Variants in NPTXR observed in about 807,000 individuals in gnomAD.
NPTXR encodes neuronal pentraxin receptor.
Under a neutral mutation model 32.2 loss-of-function variants are expected in NPTXR, and 12 were observed. That is an observed-to-expected ratio of 0.37 (90% CI 0.24 to 0.60). The LOEUF is 0.60. Ranked by LOEUF, NPTXR falls within the 20% of genes least tolerant of loss-of-function variation. NPTXR has a pLI of 0.66. For synonymous variants in NPTXR, 323 were observed against 315.8 expected (o/e 1.02, Z -0.24); for missense variants, 612 against 682.9 (o/e 0.90, Z 1.16).
rs138398002 is a variant in NPTXR, at chr22:38,826,656, G to T, written c.942C>A (p.Pro314=). The T allele has an allele frequency of 2.5e-6, 4 of 1,614,248 alleles. No homozygotes were observed. The highest frequency in any genetic ancestry group is 3.4e-6 in the Non-Finnish European group (4 of 1,180,036). ...TGCAGGCGGTGAATGCGTAGAGCTCGGGCAGAGCCTTCCGCACGCGGGCGT... is the reference window on the plus strand; with the variant it reads ...TGCAGGCGGTGAATGCGTAGAGCTCTGGCAGAGCCTTCCGCACGCGGGCGT... Residue 314 remains proline, a synonymous_variant, in exon 3 of 5, where the codon CCC becomes CCA. Transcript: ENST00000333039.
In NPTXR at chr22:38,822,670, T is replaced by A. The variant is rs747852955; in HGVS notation, c.1442A>T (p.Glu481Val). 2 of 1,613,952 alleles carry A rather than the reference T, an allele frequency of 1.2e-6. No individual in the cohort carries two copies. Among genetic ancestry groups the A allele is most frequent in the Non-Finnish European group, 1.7e-6 (2 of 1,179,982 alleles). Residue 481 changes from glutamate to valine, a missense_variant, in exon 5 of 5, where the codon GAG (glutamate) becomes GTG (valine). Transcript: ENST00000333039. ...AGCCTTTGTTGCACCCCCAAAGGCC[T>A]CCACCAACTTGTCTTCCCAGGGAAG...
At chr22:38,839,737 A>G (rs1206839157) in intron 1 of NPTXR, among the ~76,000 whole-genome samples, 3 of 152,196 alleles carry the variant, frequency 2.0e-5, no homozygotes, top group Admixed American at 6.5e-5. Flanking sequence ...ACAGACTTAA[A>G]AACAAACAAA....
intron 1 of NPTXR, among the ~76,000 whole-genome samples, chr22:38,831,713 TC>T (rs1186479557): frequency 6.6e-6 from 1 of 151,874 alleles, no homozygotes; most frequent in Non-Finnish European, 1.5e-5. Flanking sequence ...GGGCAGGGTG[TC>T]CCTGGTCCCA....
chr22:38,840,729 G>C (rs1462819662), intron 1 of NPTXR, among the ~76,000 whole-genome samples: 1 of 152,142 alleles, frequency 6.6e-6, no homozygotes, highest in African/African-American at 2.4e-5. Flanking sequence ...GTTTGGTTTG[G>C]GGCCCCTCCG....
At chr22:38,832,627 C>G (rs1356968475) in intron 1 of NPTXR, among the ~76,000 whole-genome samples, 1 of 152,230 alleles carries the variant, frequency 6.6e-6, no homozygotes, top group Non-Finnish European at 1.5e-5. Flanking sequence ...CTGCTCTCAA[C>G]AGCCTGGGGA....
chr22:38,829,725 C>T (rs1409100066), intron 1 of NPTXR, among the ~76,000 whole-genome samples: 1 of 152,218 alleles, frequency 6.6e-6, no homozygotes, highest in African/African-American at 2.4e-5. Flanking sequence ...GATTCAGTCA[C>T]TGAGCAAACA....
In NPTXR at chr22:38,834,944, G is replaced by A. The variant is rs1029705486; in HGVS notation, c.625-6432C>T. 6.6e-6 allele frequency among the ~76,000 whole-genome samples: 1 copy of A among 152,218 alleles called. No individual in the cohort carries two copies. Among genetic ancestry groups the A allele is most frequent in the African/African-American group, 2.4e-5 (1 of 41,450 alleles). On this transcript the variant is annotated intron_variant, in intron 1 of 4. Coordinates refer to ENST00000333039, the MANE Select transcript of NPTXR (RefSeq NM_014293.4). The surrounding 1 kb of genome is among the most constrained non-coding windows in gnomAD (Gnocchi z 4.4). ...AGGCAGGAGAGCATAATGTGTCATGGTGCAGGCCCTGGAGCCAGACTGCCT... is the reference window on the plus strand; with the variant it reads ...AGGCAGGAGAGCATAATGTGTCATGATGCAGGCCCTGGAGCCAGACTGCCT...
intron 1 of NPTXR, among the ~76,000 whole-genome samples, chr22:38,838,427 A>C (rs1050313466): frequency 1.3e-5 from 2 of 152,128 alleles, no homozygotes; most frequent in African/African-American, 4.8e-5. Flanking sequence ...CAGCAGCAGC[A>C]GTGAAGGTCT....
chr22:38,829,179 A>T (rs2093112268), intron 1 of NPTXR, among the ~76,000 whole-genome samples: 1 of 152,216 alleles, frequency 6.6e-6, no homozygotes, highest in South Asian at 2.1e-4. Context: ...AGAGAGCTGC[A>T]CCTATTTGGA....
chr22:38,826,000 AC>A lies in NPTXR; in HGVS notation c.1098+499del, dbSNP rs1160872527. 2.0e-4 allele frequency among the ~76,000 whole-genome samples: 30 copies of A among 151,580 alleles called. 1 individual carries two copies. Among genetic ancestry groups the A allele is most frequent in the Admixed American group, 2.0e-3 (30 of 15,210 alleles). ...TGGGACTACAGGTGCCCACCACCAC[AC>A]CCGGCTAATTTTTTTGTATTTTTAG... On this transcript the variant is annotated intron_variant, in intron 3 of 4. Coordinates refer to ENST00000333039, the MANE Select transcript of NPTXR (RefSeq NM_014293.4).
At position 38,822,393 on chromosome 22, in the gene NPTXR, A is replaced by T. The variant is rs930698456; in HGVS notation, c.*216T>A. The T allele has an allele frequency of 3.5e-6, 2 of 578,416 alleles. No homozygotes were observed. The highest frequency in any genetic ancestry group is 3.7e-5 in the African/African-American group (2 of 53,408). 35.8% of individuals were successfully genotyped at this position (578,416 alleles called of 1,614,324 possible). A position where few individuals can be genotyped will look rare whatever the true frequency, so the allele number is the denominator to read the frequency against. ...CCAGGTGGGCAGGCTCCCACTGTTC[A>T]CTTGAGACGCTCCTCCCCACTCAGG... On this transcript the variant is annotated 3_prime_UTR_variant, in exon 5 of 5. Coordinates refer to ENST00000333039, the MANE Select transcript of NPTXR (RefSeq NM_014293.4).
chr22:38,843,110 G>T lies in NPTXR; in HGVS notation c.624+125C>A. 1 of 1,000,394 alleles carries T rather than the reference G, an allele frequency of 1.0e-6. No homozygotes were observed. 62.0% of individuals were successfully genotyped at this position (1,000,394 alleles called of 1,614,324 possible). A position where few individuals can be genotyped will look rare whatever the true frequency, so the allele number is the denominator to read the frequency against. ...ATCGAAATCCCCCCGCCTCGCCAGC[G>T]AGGAAGGCGCGATCGTCCCCGGAAC... On this transcript the variant is annotated intron_variant, in intron 1 of 4. Coordinates refer to ENST00000333039, the MANE Select transcript of NPTXR (RefSeq NM_014293.4). The surrounding 1 kb of genome is among the most constrained non-coding windows in gnomAD (Gnocchi z 5.3).
intron 1 of NPTXR, among the ~76,000 whole-genome samples, chr22:38,838,441 A>G (rs1450310748): frequency 6.6e-6 from 1 of 152,118 alleles, no homozygotes; most frequent in African/African-American, 2.4e-5. Flanking sequence ...AAGGTCTTGC[A>G]GCAAGTCTCT....
chr22:38,822,406 C>T lies in NPTXR; in HGVS notation c.*203G>A. On this transcript the variant is annotated 3_prime_UTR_variant, in exon 5 of 5. Transcript: ENST00000333039. ...CTCCCACTGTTCACTTGAGACGCTC[C>T]TCCCCACTCAGGTGGGGACAGGGGA... 1 of 590,376 alleles carries T rather than the reference C, an allele frequency of 1.7e-6. No homozygotes were observed. The highest frequency in any genetic ancestry group is 3.0e-6 in the Non-Finnish European group (1 of 329,718). 36.6% of individuals were successfully genotyped at this position (590,376 alleles called of 1,614,324 possible). A position where few individuals can be genotyped will look rare whatever the true frequency, so the allele number is the denominator to read the frequency against.
Position 38,840,056 on chromosome 22 carries a change from G to T in NPTXR, c.624+3179C>A, listed in dbSNP as rs112639835. Among the ~76,000 whole-genome samples, 706 of 152,292 alleles carry T rather than the reference G, an allele frequency of 4.6e-3. 5 individuals are homozygous for T. The highest frequency in any genetic ancestry group is 0.016 in the African/African-American group (678 of 41,556). ...CAACAATAACAACACAAATAAAAAT[G>T]GAAAAGAAGACACTTTCCCCTAAGC... On this transcript the variant is annotated intron_variant, in intron 1 of 4. Transcript: ENST00000333039.
intron 3 of NPTXR, among the ~76,000 whole-genome samples, chr22:38,825,992 A>C (rs2093105920): frequency 6.6e-6 from 1 of 151,892 alleles, no homozygotes; most frequent in African/African-American, 2.4e-5. Context: ...ACAGGTGCCC[A>C]CCACCACACC....
At chr22:38,829,172 G>C (rs2093112259) in intron 1 of NPTXR, among the ~76,000 whole-genome samples, 1 of 152,236 alleles carries the variant, frequency 6.6e-6, no homozygotes, top group Non-Finnish European at 1.5e-5. Context: ...ACTCAAAAGA[G>C]AGCTGCACCT....
Position 38,821,312 on chromosome 22 carries a change from T to C in NPTXR, c.*1297A>G, listed in dbSNP as rs937298085. On this transcript the variant is annotated 3_prime_UTR_variant, in exon 5 of 5. Transcript: ENST00000333039. ...AGGCAAGGGTGCCAGGCTGGGTTGA[T>C]CCAAAGGGAGCTGGTTTTTTACAAT... 1.3e-5 allele frequency: 2 copies of C among 152,274 alleles called. No individual in the cohort carries two copies. Among genetic ancestry groups the C allele is most frequent in the African/African-American group, 4.8e-5 (2 of 41,450 alleles). 9.4% of individuals were successfully genotyped at this position (152,274 alleles called of 1,614,324 possible). A position where few individuals can be genotyped will look rare whatever the true frequency, so the allele number is the denominator to read the frequency against.
At position 38,843,701 on chromosome 22, in the gene NPTXR, G is replaced by A. The variant is rs2093135485; in HGVS notation, c.158C>T (p.Pro53Leu). 7.0e-6 allele frequency: 7 copies of A among 996,020 alleles called. No homozygotes were observed. The highest frequency in any genetic ancestry group is 1.8e-5 in the African/African-American group (1 of 57,000). 61.7% of individuals were successfully genotyped at this position (996,020 alleles called of 1,614,324 possible). ...CGCGCTCAGGCTCCGCTGCGGGCCC[G>A]GGGACGCGGCGGCGCCCGAGGCGAC... The change falls in exon 1 of 5, where the codon CCG (proline) becomes CTG (leucine). Residue 53 changes from proline (P) to leucine (L), a missense_variant. Coordinates refer to ENST00000333039, the MANE Select transcript of NPTXR (RefSeq NM_014293.4). This position sits in a 1 kb window ranked among gnomAD's most constrained non-coding sequence, Gnocchi z 5.3.
Sources: gnomAD v4.1 joint callset for allele counts (sites outside exome capture counted in the v4.1 genomes callset) on GRCh38, gnomAD v4.1.1 for gene constraint, Gnocchi (gnomAD v3.1) non-coding constraint, MANE v1.5 for transcripts, NCBI Gene and HGNC (gene_info 2026-07-23, HGNC 2026-07-21) for gene names.